GOLGA7: variants seen among roughly 807,000 people sequenced by gnomAD.
GOLGA7 encodes golgin subfamily A member 7.
In GOLGA7, 10 loss-of-function variants were observed where a neutral mutation model predicts 21.1. The ratio of observed to expected loss-of-function variants is 0.47; its 90% CI spans 0.29 to 0.80. The LOEUF (loss-of-function observed/expected upper bound fraction) is 0.80. GOLGA7 is among the 30% of genes least tolerant of loss of function. The pLI is 0.08. For synonymous variants in GOLGA7, 64 were observed against 62.6 expected (o/e 1.02, Z -0.10); for missense variants, 114 against 166.8 (o/e 0.68, Z 1.74).
At chr8:41,491,579 T>C (rs1373034688) in intron 1 of GOLGA7, among the ~76,000 whole-genome samples, 1 of 151,862 alleles carries the variant, frequency 6.6e-6, no homozygotes, top group East Asian at 1.9e-4. Flanking sequence ...TTGTCTTGCA[T>C]ATCAAAATGG....
intron 1 of GOLGA7, among the ~76,000 whole-genome samples, chr8:41,495,632 G>A (rs1805993048): frequency 6.7e-6 from 1 of 149,666 alleles, no homozygotes; most frequent in African/African-American, 2.5e-5. Context: ...AGATTTAATA[G>A]GTTCACAGAG....
chr8:41,499,962 A>G (rs775897356), intron 2 of GOLGA7, among the ~76,000 whole-genome samples: 1 of 152,210 alleles, frequency 6.6e-6, no homozygotes, highest in Non-Finnish European at 1.5e-5. Flanking sequence ...TTAAACTTTC[A>G]AAATCAGAAG....
intron 1 of GOLGA7, among the ~76,000 whole-genome samples, chr8:41,496,195 G>C (rs1269951223): frequency 2.0e-5 from 3 of 152,064 alleles, no homozygotes; most frequent in Admixed American, 2.0e-4. Flanking sequence ...ATCACCCTTT[G>C]TGAGCACGCT....
rs1247627307 is a variant in GOLGA7, at chr8:41,510,500, T to TA, written c.*934dup. ...TATATTACTAATTTTTAACTATCCC[T>TA]AAGGCAAACCTTATGACCCACAGAA... On this transcript the variant is annotated 3_prime_UTR_variant, in exon 5 of 5. Transcript: ENST00000357743. The TA allele has an allele frequency of 6.6e-6, 1 of 152,642 alleles. No homozygotes were observed. The highest frequency in any genetic ancestry group is 2.4e-5 in the African/African-American group (1 of 41,458). 9.5% of individuals were successfully genotyped at this position (152,642 alleles called of 1,614,324 possible).
rs1805860196 is a variant in GOLGA7, at chr8:41,490,780, C to T, written c.-75C>T. On this transcript the variant is annotated 5_prime_UTR_variant, in exon 1 of 5. Transcript: ENST00000357743. ...GGCGAGGGGCTGGCGGGTCAGAGTC[C>T]CGGGTCCAGGCCGGGGCTCTGACTC... The T allele has an allele frequency of 1.3e-6, 1 of 797,868 alleles. No homozygotes were observed. The highest frequency in any genetic ancestry group is 1.7e-5 in the South Asian group (1 of 60,358). 49.4% of individuals were successfully genotyped at this position (797,868 alleles called of 1,614,324 possible).
At chr8:41,500,684 C>T (rs944423866) in intron 2 of GOLGA7, among the ~76,000 whole-genome samples, 25 of 152,210 alleles carry the variant, frequency 1.6e-4, no homozygotes, top group African/African-American at 5.5e-4. Flanking sequence ...CTCACCTCAG[C>T]CTCTCAGAGT....
chr8:41,496,493 G>A (rs1424284374), intron 1 of GOLGA7, among the ~76,000 whole-genome samples: 1 of 152,102 alleles, frequency 6.6e-6, no homozygotes, highest in Non-Finnish European at 1.5e-5. Flanking sequence ...CAAATAGAAA[G>A]AGGTAATAAG....
intron 1 of GOLGA7, among the ~76,000 whole-genome samples, chr8:41,493,969 C>A (rs1158445019): frequency 6.6e-6 from 1 of 152,150 alleles, no homozygotes; most frequent in Non-Finnish European, 1.5e-5. Flanking sequence ...TGAAGTTTGT[C>A]GTTTGCCTTT....
Position 41,507,069 on chromosome 8 carries a change from C to A in GOLGA7, c.377C>A (p.Thr126Asn). The change falls in exon 4 of 5, where the codon ACC becomes AAC. Residue 126 changes from threonine to asparagine, a missense_variant. By Grantham distance (65) the Thr-to-Asn change is moderately conservative. Coordinates refer to ENST00000357743, the MANE Select transcript of GOLGA7 (RefSeq NM_001002296.2). ...AGCCATGCTGTTTAGATTGAAATTA[C>A]CATTTATGAAGACAGAGGCATGAGC... The part of the protein sequence containing the change: ...IERGLRVIEI[T>N]IYEDRGMSSG... 2 of 1,361,342 alleles carry A rather than the reference C, an allele frequency of 1.5e-6. No homozygotes were observed. Among genetic ancestry groups the A allele is most frequent in the Non-Finnish European group, 2.1e-6 (2 of 949,476 alleles). The allele number at this position is 1,361,342 out of a possible 1,614,324, so 84.3% of individuals were successfully genotyped here.
chr8:41,490,465 A>T (rs921412986), upstream of GOLGA7: 1 of 195,600 alleles, frequency 5.1e-6, no homozygotes, highest in Non-Finnish European at 1.1e-5. Context: ...CACAGCGCGC[A>T]GCTTCGGCAG....
chr8:41,504,135 A>AAAAAC (rs1563419532), intron 2 of GOLGA7, among the ~76,000 whole-genome samples: 2 of 111,856 alleles, frequency 1.8e-5, no homozygotes, highest in South Asian at 5.5e-4. Context: ...AAAAAAAAAA[A>AAAAAC]ACAAAACAAA....
chr8:41,507,235 A>C, intron 4 of GOLGA7, 114 bp downstream of exon 4: 1 of 664,624 alleles, frequency 1.5e-6, no homozygotes, highest in South Asian at 1.7e-5. Flanking sequence ...ATAACAGTAT[A>C]TTTGCTGTGT....
rs144603409 is a variant in GOLGA7 at position 41,497,828 on chromosome 8, A to C, written c.264+167A>C. 1.6e-4 allele frequency among the ~76,000 whole-genome samples: 24 copies of C among 152,338 alleles called. No homozygotes were observed. In the East Asian group the frequency reaches 4.6e-3, roughly 29 times the overall value. ...GAGGCACATAGTCCTGAGTCTTTCA[A>C]AACAGGTTGCAGTTGGTATGTCCAC... is the stretch of plus-strand genomic sequence containing the variant. On this transcript the variant is annotated intron_variant, in intron 2 of 4. Coordinates refer to ENST00000357743, the MANE Select transcript of GOLGA7 (RefSeq NM_001002296.2).
chr8:41,492,691 A>T (rs1036740443), intron 1 of GOLGA7, among the ~76,000 whole-genome samples: 1 of 152,212 alleles, frequency 6.6e-6, no homozygotes, highest in African/African-American at 2.4e-5. Context: ...AAAGATATAC[A>T]TGGAATCAAT....
chr8:41,493,046 C>T (rs1311326606), intron 1 of GOLGA7, among the ~76,000 whole-genome samples: 2 of 152,166 alleles, frequency 1.3e-5, no homozygotes, highest in Non-Finnish European at 2.9e-5. Flanking sequence ...CCCAGAACTG[C>T]TTGTGGTACT....
chr8:41,504,198 A>G (rs1427597404), intron 2 of GOLGA7, among the ~76,000 whole-genome samples: 1 of 151,846 alleles, frequency 6.6e-6, no homozygotes, highest in Non-Finnish European at 1.5e-5. Context: ...TAAAAGAATG[A>G]TGTTGCCGTT....
Position 41,505,936 on chromosome 8 carries a change from T to C in GOLGA7, c.290T>C (p.Ile97Thr). 1 of 1,595,850 alleles carries C rather than the reference T, an allele frequency of 6.3e-7. No homozygotes were observed. Among genetic ancestry groups the C allele is most frequent in the Non-Finnish European group, 8.6e-7 (1 of 1,166,316 alleles). Residue 97 changes from isoleucine (I) to threonine (T), a missense_variant, in exon 3 of 5, where the codon ATT (isoleucine) becomes ACT (threonine). By Grantham distance (89) the Ile-to-Thr change is moderately conservative. Transcript: ENST00000357743. ...GTTCTGAAGAAAGTCTCCAAATACA[T>C]TCAAGAGCAGAATGAGAAGATCTAT... ...EKVLKKVSKY[I>T]QEQNEKIYAP...
At chr8:41,493,719 C>A (rs969476141) in intron 1 of GOLGA7, among the ~76,000 whole-genome samples, 13 of 152,178 alleles carry the variant, frequency 8.5e-5, no homozygotes, top group African/African-American at 2.9e-4. Flanking sequence ...CTTCACCATG[C>A]TTTCTACTGT....
chr8:41,507,952 A>G (rs1266057288), intron 4 of GOLGA7, among the ~76,000 whole-genome samples: 1 of 152,236 alleles, frequency 6.6e-6, no homozygotes. Context: ...CATCAATAAC[A>G]GCTACCATTT....
Sources: gnomAD v4.1 joint callset for allele counts (sites outside exome capture counted in the v4.1 genomes callset) on GRCh38, gnomAD v4.1.1 for gene constraint, MANE v1.5 for transcripts, NCBI Gene and HGNC (gene_info 2026-07-23, HGNC 2026-07-21) for gene names.